B4GALT6: variants seen among roughly 807,000 people sequenced by gnomAD.
B4GALT6 encodes the protein beta-1,4-galactosyltransferase 6.
In B4GALT6, 14 loss-of-function variants were observed where a neutral mutation model predicts 46.3. The observed-to-expected ratio is 0.30, with a 90% confidence interval of 0.20 to 0.47. B4GALT6 has a LOEUF of 0.47. Ranked by LOEUF, B4GALT6 falls within the 20% of genes least tolerant of loss-of-function variation. The probability of loss-of-function intolerance (pLI) is 0.99; values close to 1 mark genes in which losing one functional copy is unlikely to be tolerated. For synonymous variants in B4GALT6, 168 were observed against 162.0 expected (o/e 1.04, Z -0.28); for missense variants, 386 against 480.1 (o/e 0.80, Z 1.83).
rs1191348795 is a variant in B4GALT6, at chr18:31,626,473, C to T, written c.900-89G>A. ...TTCAATTTTAAAACACAAAAGAATG[C>T]TCTAATCCAGGGTTCCCCAACCCCT... On this transcript the variant is annotated intron_variant, in intron 7 of 8. Transcript: ENST00000306851. 4.2e-5 allele frequency: 29 copies of T among 694,042 alleles called. No individual in the cohort carries two copies. The Admixed American group carries it at 8.1e-4, about 19-fold the overall frequency. The allele number at this position is 694,042 out of a possible 1,614,324, so 43.0% of individuals were successfully genotyped here.
intron 1 of B4GALT6, among the ~76,000 whole-genome samples, chr18:31,678,781 T>C (rs1208274664): frequency 6.6e-6 from 1 of 152,196 alleles, no homozygotes; most frequent in Non-Finnish European, 1.5e-5. Context: ...CAGAAACCAA[T>C]GCTTCTATGC....
chr18:31,672,638 T>G (rs2074369479), intron 1 of B4GALT6, among the ~76,000 whole-genome samples: 1 of 152,200 alleles, frequency 6.6e-6, no homozygotes, highest in East Asian at 1.9e-4. Context: ...TTCAGCATAC[T>G]CTCTTTGTCA....
At chr18:31,637,079 A>G (rs985480229) in intron 5 of B4GALT6, among the ~76,000 whole-genome samples, 1 of 152,218 alleles carries the variant, frequency 6.6e-6, no homozygotes, top group African/African-American at 2.4e-5. Context: ...TCAGCCTCCC[A>G]AAGTGCTGGG....
At chr18:31,646,885 C>T (rs2073997256) in intron 3 of B4GALT6, among the ~76,000 whole-genome samples, 2 of 152,204 alleles carry the variant, frequency 1.3e-5, no homozygotes, top group South Asian at 4.1e-4. Context: ...TCTTCTAATG[C>T]CTGCCTGTTC....
the B4GALT6 span, among the ~76,000 whole-genome samples, chr18:31,700,104 A>G: frequency 2.0e-5 from 3 of 152,204 alleles, no homozygotes; most frequent in Non-Finnish European, 4.4e-5. Flanking sequence ...CCTGGTGGTC[A>G]CACATAAAGA....
At position 31,661,527 on chromosome 18, in the gene B4GALT6, T is replaced by G. The variant is rs143538829; in HGVS notation, c.233-3438A>C. On this transcript the variant is annotated intron_variant, in intron 2 of 8. Coordinates refer to ENST00000306851, the MANE Select transcript of B4GALT6 (RefSeq NM_004775.5). The stretch of plus-strand genomic sequence containing the variant: ...GGCAAGTTCTTCATTAATTAGCTAG[T>G]GTGCGCTCTCGCTCTCTCTCACACA... 1.5e-3 allele frequency among the ~76,000 whole-genome samples: 231 copies of G among 152,124 alleles called. 3 individuals carry two copies. Among genetic ancestry groups the G allele is most frequent in the African/African-American group, 5.2e-3 (215 of 41,458 alleles).
At chr18:31,663,251 T>TGA (rs2074241481) in intron 2 of B4GALT6, among the ~76,000 whole-genome samples, 1 of 152,152 alleles carries the variant, frequency 6.6e-6, no homozygotes, top group African/African-American at 2.4e-5. Flanking sequence ...TAGAAACCGA[T>TGA]GAGAGTCCTA....
intron 5 of B4GALT6, among the ~76,000 whole-genome samples, chr18:31,635,422 T>C (rs1398657778): frequency 1.3e-5 from 2 of 152,090 alleles, no homozygotes; most frequent in Non-Finnish European, 2.9e-5. Flanking sequence ...ACAAGTCAGA[T>C]TTCACAGTAC....
chr18:31,653,474 G>A (rs371110727), intron 3 of B4GALT6, among the ~76,000 whole-genome samples: 115 of 113,194 alleles, frequency 1.0e-3, no homozygotes, highest in Admixed American at 2.2e-3. Flanking sequence ...ACAAAGTCTC[G>A]CTCTGTTGCC....
At chr18:31,659,763 C>A (rs531720193) in intron 2 of B4GALT6, among the ~76,000 whole-genome samples, 2 of 152,186 alleles carry the variant, frequency 1.3e-5, no homozygotes, top group East Asian at 3.9e-4. Flanking sequence ...CAAGGAAAAT[C>A]TTCCAAATAA....
rs151309842 is a variant in B4GALT6 at position 31,625,809 on chromosome 18, A to G, written c.1002-48T>C. 163 of 1,487,150 alleles carry G rather than the reference A, an allele frequency of 1.1e-4. No homozygotes were observed. The African/African-American group carries it at 2.0e-3, about 18-fold the overall frequency. The allele number at this position is 1,487,150 out of a possible 1,614,324, so 92.1% of individuals were successfully genotyped here. A position where few individuals can be genotyped will look rare whatever the true frequency, so the allele number is the denominator to read the frequency against. ...AAAAAAGCAACAAAACATGTTCAAA[A>G]AGGAAAACTGATAAGGACTGTGTTC... On this transcript the variant is annotated intron_variant, in intron 8 of 8. Coordinates refer to ENST00000306851, the MANE Select transcript of B4GALT6 (RefSeq NM_004775.5).
chr18:31,644,720 C>T (rs1244194563), intron 4 of B4GALT6, among the ~76,000 whole-genome samples: 1 of 152,140 alleles, frequency 6.6e-6, no homozygotes, highest in Non-Finnish European at 1.5e-5. Context: ...GAGGCAAACC[C>T]ACCCCCTTAC....
At chr18:31,720,211 A>G in the B4GALT6 span, among the ~76,000 whole-genome samples, 4 of 152,248 alleles carry the variant, frequency 2.6e-5, no homozygotes, top group African/African-American at 9.6e-5. Flanking sequence ...TCACTGTCAT[A>G]ATTTCTTCAG....
chr18:31,652,907 C>A (rs1015000838), intron 3 of B4GALT6, among the ~76,000 whole-genome samples: 1 of 152,214 alleles, frequency 6.6e-6, no homozygotes, highest in African/African-American at 2.4e-5. Context: ...CATTGTTCAG[C>A]TTCTCATGTG....
the B4GALT6 span, among the ~76,000 whole-genome samples, chr18:31,711,331 TG>T: frequency 9.9e-5 from 15 of 152,198 alleles, no homozygotes; most frequent in Non-Finnish European, 5.9e-5. Context: ...CACAGGGGTT[TG>T]TGGTACAGAT....
At chr18:31,635,713 G>A (rs1307292940) in intron 5 of B4GALT6, among the ~76,000 whole-genome samples, 11 of 152,148 alleles carry the variant, frequency 7.2e-5, no homozygotes, top group Admixed American at 7.2e-4. Context: ...AGCTACTCGA[G>A]AGGCTGAGAC....
chr18:31,681,723 TAC>T (rs1294371024), intron 1 of B4GALT6, among the ~76,000 whole-genome samples: 2 of 152,144 alleles, frequency 1.3e-5, no homozygotes, highest in Non-Finnish European at 2.9e-5. Context: ...GCCCATGACA[TAC>T]ACAGGGCTCA....
chr18:31,656,836 C>T (rs934030353), intron 3 of B4GALT6, among the ~76,000 whole-genome samples: 2 of 152,082 alleles, frequency 1.3e-5, no homozygotes, highest in Non-Finnish European at 2.9e-5. Context: ...CAGATCAATA[C>T]CAACACACAA....
chr18:31,686,597 T>C (rs2029928558), upstream of B4GALT6: 1 of 152,244 alleles, frequency 6.6e-6, no homozygotes, highest in African/African-American at 2.4e-5. Context: ...ACAACTCAAC[T>C]TCTCTGGCTA....
Sources: allele counts gnomAD v4.1 joint callset (sites outside exome capture counted in the v4.1 genomes callset), GRCh38; gene constraint gnomAD v4.1.1; transcripts MANE v1.5; gene names NCBI Gene and HGNC (gene_info 2026-07-23, HGNC 2026-07-21).